TOM1: variants seen among roughly 807,000 people sequenced by gnomAD.
The protein encoded by TOM1 is target of myb1 membrane trafficking protein, also known as target of Myb protein 1.
In TOM1, 38 loss-of-function variants were observed where a neutral mutation model predicts 61.3. The ratio of observed to expected loss-of-function variants is 0.62; its 90% CI spans 0.48 to 0.81. TOM1 has a LOEUF of 0.81. Among genes scored for constraint, TOM1 ranks in the 40% least tolerant of loss-of-function variants. The pLI is 0.00. For synonymous variants in TOM1, 270 were observed against 268.8 expected (o/e 1.00, Z -0.04); for missense variants, 591 against 659.6 (o/e 0.90, Z 1.14).
intron 1 of TOM1, among the ~76,000 whole-genome samples, chr22:35,310,646 A>C (rs1427850726): frequency 1.3e-5 from 2 of 152,210 alleles, no homozygotes; most frequent in East Asian, 3.8e-4. Flanking sequence ...CCAAGTGTGG[A>C]GGTGTTTCAT....
At chr22:35,339,052 C>T (rs188078966) in intron 12 of TOM1, among the ~76,000 whole-genome samples, 9 of 152,204 alleles carry the variant, frequency 5.9e-5, no homozygotes, top group Non-Finnish European at 8.8e-5. Flanking sequence ...GAGACCAGGC[C>T]GGGCGTGGTG....
chr22:35,323,480 C>T lies in TOM1; in HGVS notation c.367-16C>T. ...TGAGCTGTGGTTACCGGCTGTGTCCCCTTGTCCCCTCTCAGTCCTGGGCTG... is the reference window on the plus strand; with the variant it reads ...TGAGCTGTGGTTACCGGCTGTGTCCTCTTGTCCCCTCTCAGTCCTGGGCTG... On this transcript the variant is annotated splice_polypyrimidine_tract_variant and intron_variant, in intron 4 of 14. Transcript: ENST00000449058. This position sits in a 1 kb window ranked among gnomAD's most constrained non-coding sequence, Gnocchi z 4.2. 1.2e-6 allele frequency: 2 copies of T among 1,613,694 alleles called. No individual in the cohort carries two copies.
rs1459617872 is a variant in TOM1, at chr22:35,334,316, C to G, written c.1028-12C>G. On this transcript the variant is annotated splice_polypyrimidine_tract_variant and intron_variant, in intron 10 of 14. Coordinates refer to ENST00000449058, the MANE Select transcript of TOM1 (RefSeq NM_005488.3). ...TGGATGGGTCTTTCACGTGGCCTTT[C>G]TGTCCCTGCAGACCTGGGCTCCAGC... The G allele has an allele frequency of 2.5e-6, 4 of 1,606,058 alleles. No individual in the cohort carries two copies. Among genetic ancestry groups the G allele is most frequent in the Non-Finnish European group, 2.6e-6 (3 of 1,175,646 alleles).
At chr22:35,314,674 G>T (rs971535658) in intron 1 of TOM1, among the ~76,000 whole-genome samples, 2 of 152,144 alleles carry the variant, frequency 1.3e-5, no homozygotes, top group Admixed American at 1.3e-4. Context: ...CCACTGAGAG[G>T]CCTGCCGGTG....
intron 1 of TOM1, among the ~76,000 whole-genome samples, chr22:35,313,245 G>A (rs559154916): frequency 6.6e-6 from 1 of 152,126 alleles, no homozygotes; most frequent in African/African-American, 2.4e-5. Flanking sequence ...TACTCGGGAG[G>A]CTGAGGCAGG....
At chr22:35,322,965 G>A (rs1193719678) in intron 3 of TOM1, 63 bp from the exon 4 acceptor site, 3 of 1,584,306 alleles carry the variant, frequency 1.9e-6, no homozygotes, top group Non-Finnish European at 2.6e-6. Context: ...CCACGAGGGT[G>A]GGGGTTCTGA....
chr22:35,324,188 CTG>C (rs976901113), intron 6 of TOM1, among the ~76,000 whole-genome samples: 4 of 152,186 alleles, frequency 2.6e-5, no homozygotes, highest in African/African-American at 7.2e-5. Context: ...ATTTTCCAAC[CTG>C]TGTTTTCTGC....
intron 11 of TOM1, among the ~76,000 whole-genome samples, chr22:35,336,387 C>T (rs1341644005): frequency 6.6e-6 from 1 of 152,188 alleles, no homozygotes; most frequent in African/African-American, 2.4e-5. Flanking sequence ...CTGCCTGGCT[C>T]CCCACTTCAC....
intron 1 of TOM1, among the ~76,000 whole-genome samples, chr22:35,311,949 G>C (rs1005314956): frequency 1.3e-5 from 2 of 152,158 alleles, no homozygotes; most frequent in African/African-American, 4.8e-5. Context: ...ACCCTGGGTG[G>C]GGCTTAGAAG....
chr22:35,317,783 A>T (rs757770544), intron 1 of TOM1, 94 bp from the exon 2 acceptor site: 5 of 881,696 alleles, frequency 5.7e-6, no homozygotes, highest in Non-Finnish European at 9.6e-6. Context: ...TCCCCATCTC[A>T]TCCGGCCCTG....
intron 11 of TOM1, among the ~76,000 whole-genome samples, chr22:35,335,479 C>T (rs1485777585): frequency 1.3e-5 from 2 of 152,130 alleles, no homozygotes; most frequent in African/African-American, 4.8e-5. Flanking sequence ...GCAGCTGTTG[C>T]CATGGAGTTA....
At chr22:35,338,574 C>A in intron 11 of TOM1, 139 bp from the exon 12 acceptor site, 1 of 608,130 alleles carries the variant, frequency 1.6e-6, no homozygotes, top group Non-Finnish European at 2.7e-6. Context: ...TTTCCAGAGG[C>A]AGGAAATGAG....
chr22:35,306,088 A>G (rs1601662956), intron 1 of TOM1, among the ~76,000 whole-genome samples: 1 of 152,348 alleles, frequency 6.6e-6, no homozygotes, highest in East Asian at 1.9e-4. Context: ...TTTATGGGCA[A>G]TGAAATTTGA....
intron 2 of TOM1, chr22:35,318,347 T>C (rs1927488990): frequency 4.6e-6 from 1 of 218,184 alleles, no homozygotes; most frequent in Non-Finnish European, 9.1e-6. Context: ...ACTCCGGCTT[T>C]TCTGCGAGCA....
chr22:35,309,974 C>T (rs1033945067), intron 1 of TOM1, among the ~76,000 whole-genome samples: 1 of 152,158 alleles, frequency 6.6e-6, no homozygotes, highest in Non-Finnish European at 1.5e-5. Context: ...ATGCTGTGAG[C>T]CCAGGGGGAG....
chr22:35,328,259 C>T (rs900623540), intron 7 of TOM1, among the ~76,000 whole-genome samples: 3 of 152,106 alleles, frequency 2.0e-5, no homozygotes, highest in Non-Finnish European at 2.9e-5. Flanking sequence ...GTAAGGGCTC[C>T]GAAAGAGAGA....
intron 3 of TOM1, chr22:35,322,300 A>G: frequency 2.2e-6 from 1 of 454,988 alleles, no homozygotes; most frequent in Non-Finnish European, 3.9e-6. Context: ...CCTGGGCCAA[A>G]GGACCTGTGG....
intron 1 of TOM1, among the ~76,000 whole-genome samples, chr22:35,302,302 C>CT (rs965801547): frequency 1.3e-4 from 16 of 125,192 alleles, no homozygotes; most frequent in Non-Finnish European, 1.8e-4. Context: ...ATGTGAATTT[C>CT]TTTTTTTTTC....
chr22:35,345,830 G>A (rs55958250), intron 13 of TOM1, 46 bp downstream of exon 13: 14 of 1,599,988 alleles, frequency 8.8e-6, no homozygotes, highest in Non-Finnish European at 1.2e-5. Context: ...AGGACCCGTT[G>A]TTCTCACCAA....
Sources: gnomAD v4.1 joint callset for allele counts (sites outside exome capture counted in the v4.1 genomes callset) on GRCh38, gnomAD v4.1.1 for gene constraint, Gnocchi (gnomAD v3.1) non-coding constraint, MANE v1.5 for transcripts, NCBI Gene and HGNC (gene_info 2026-07-23, HGNC 2026-07-21) for gene names.